MTUS2: variants seen among roughly 807,000 people sequenced by gnomAD.
MTUS2 encodes the protein microtubule associated scaffold protein 2.
In MTUS2, 40 loss-of-function variants were observed where a neutral mutation model predicts 114.1. The ratio of observed to expected loss-of-function variants is 0.35; its 90% CI spans 0.27 to 0.46. The LOEUF is 0.46. Ranked by LOEUF, MTUS2 falls within the 20% of genes least tolerant of loss-of-function variation. The pLI, the probability that MTUS2 is intolerant of heterozygous loss-of-function variation, is 1.00. For missense variants in MTUS2, 1,679 were observed against 1,705.4 expected, an observed-to-expected ratio of 0.98 and a Z score of 0.27; for synonymous variants, 688 against 672.0, an observed-to-expected ratio of 1.02 and a Z score of -0.37.
At chr13:29,091,722 G>T (rs1889960455) in intron 4 of MTUS2, among the ~76,000 whole-genome samples, 1 of 152,110 alleles carries the variant, frequency 6.6e-6, no homozygotes, top group Admixed American at 6.6e-5. Context: ...CATGCCTAGG[G>T]CCAGCTTAAG....
chr13:29,308,233 A>G lies in MTUS2; in HGVS notation c.2807-16380A>G, dbSNP rs565256313. 1.2e-3 allele frequency among the ~76,000 whole-genome samples: 182 copies of G among 152,318 alleles called. 2 individuals carry two copies. Among genetic ancestry groups the G allele is most frequent in the African/African-American group, 4.3e-3 (178 of 41,570 alleles). On this transcript the variant is annotated intron_variant, in intron 6 of 15. Coordinates refer to ENST00000612955, the MANE Select transcript of MTUS2 (RefSeq NM_001033602.4). ...ACATAGACCAATGGAACAGAATCAT[A>G]TACTCAGAAATAAGACCACATGCCT...
At chr13:29,224,964 G>A (rs1896048480) in intron 5 of MTUS2, among the ~76,000 whole-genome samples, 1 of 152,200 alleles carries the variant, frequency 6.6e-6, no homozygotes, top group Non-Finnish European at 1.5e-5. Flanking sequence ...TGGGAGTTGA[G>A]GGGCTGCGGT....
chr13:29,349,025 G>A (rs970764453), intron 7 of MTUS2, among the ~76,000 whole-genome samples: 2 of 152,044 alleles, frequency 1.3e-5, no homozygotes, highest in African/African-American at 4.8e-5. Flanking sequence ...TGCATTTGAT[G>A]TTATTACTGA....
At chr13:29,180,440 A>G (rs1173873738) in intron 5 of MTUS2, among the ~76,000 whole-genome samples, 1 of 152,218 alleles carries the variant, frequency 6.6e-6, no homozygotes, top group Non-Finnish European at 1.5e-5. Flanking sequence ...TTAAAAGCAA[A>G]TTAATAAGTT....
chr13:29,119,303 T>C (rs1405531289), intron 5 of MTUS2, among the ~76,000 whole-genome samples: 1 of 152,162 alleles, frequency 6.6e-6, no homozygotes, highest in East Asian at 1.9e-4. Flanking sequence ...TAAGGTTATA[T>C]TGCTTTCATA....
At chr13:29,185,802 G>A (rs911963792) in intron 5 of MTUS2, among the ~76,000 whole-genome samples, 11 of 152,140 alleles carry the variant, frequency 7.2e-5, no homozygotes, top group Middle Eastern at 3.4e-3. Flanking sequence ...AAATGACAAG[G>A]AATTAATATA....
At chr13:29,410,673 G>C (rs1029138227) in intron 8 of MTUS2, among the ~76,000 whole-genome samples, 2 of 151,990 alleles carry the variant, frequency 1.3e-5, no homozygotes, top group African/African-American at 4.8e-5. Flanking sequence ...TTTTCTCCTA[G>C]TTTGTCAGTT....
intron 2 of MTUS2, among the ~76,000 whole-genome samples, chr13:29,022,762 G>A (rs1421466972): frequency 6.6e-6 from 1 of 152,220 alleles, no homozygotes; most frequent in Admixed American, 6.5e-5. Context: ...AATAGTGGAT[G>A]AAACAATGTC....
intron 4 of MTUS2, among the ~76,000 whole-genome samples, chr13:29,064,326 A>G (rs1266756133): frequency 2.0e-5 from 3 of 151,768 alleles, no homozygotes; most frequent in African/African-American, 7.3e-5. Context: ...CACTGAAAAT[A>G]AAGCCAGATG....
At chr13:29,471,703 G>A (rs1055191185) in intron 9 of MTUS2, among the ~76,000 whole-genome samples, 2 of 150,884 alleles carry the variant, frequency 1.3e-5, no homozygotes, top group Admixed American at 6.6e-5. Flanking sequence ...CAAGAGGAGA[G>A]GCTTCAGCTT....
chr13:29,032,369 TA>T (rs1157910870), intron 3 of MTUS2, among the ~76,000 whole-genome samples: 2 of 152,160 alleles, frequency 1.3e-5, no homozygotes, highest in African/African-American at 2.4e-5. Flanking sequence ...ATTGCAATCC[TA>T]AAACCTGACA....
intron 8 of MTUS2, among the ~76,000 whole-genome samples, chr13:29,425,740 C>T (rs1876471224): frequency 6.6e-6 from 1 of 152,196 alleles, no homozygotes; most frequent in Non-Finnish European, 1.5e-5. Context: ...GGGTCATGTG[C>T]ACTGAGATCA....
intron 7 of MTUS2, among the ~76,000 whole-genome samples, chr13:29,355,201 T>G (rs1869637114): frequency 1.3e-5 from 2 of 152,322 alleles, no homozygotes; most frequent in South Asian, 4.2e-4. Flanking sequence ...CCGTGTCCTC[T>G]CCAGTGCTCA....
At chr13:29,472,548 A>G (rs1880399154) in intron 9 of MTUS2, among the ~76,000 whole-genome samples, 1 of 152,180 alleles carries the variant, frequency 6.6e-6, no homozygotes, top group African/African-American at 2.4e-5. Flanking sequence ...TTCAGGCAGC[A>G]TAGCTCCGCC....
intron 5 of MTUS2, among the ~76,000 whole-genome samples, chr13:29,179,812 A>G (rs1038268077): frequency 2.0e-5 from 3 of 152,238 alleles, no homozygotes; most frequent in Non-Finnish European, 4.4e-5. Flanking sequence ...CACTTGGTCT[A>G]TAAAAACAGC....
rs1299396598 is a variant in MTUS2, at chr13:29,026,748, G to A, written c.2050G>A (p.Ala684Thr). 1.2e-6 allele frequency: 2 copies of A among 1,613,846 alleles called. No homozygotes were observed. The highest frequency in any genetic ancestry group is 1.7e-6 in the Non-Finnish European group (2 of 1,179,896). ...CATGCCTCTTCCCCACGAAGAGAAG[G>A]CAGCAGGTGGTGACCTGAAGCCATC... is the stretch of plus-strand genomic sequence containing the variant. ...CTMPLPHEEK[A>T]AGGDLKPSAN... Residue 684 changes from alanine to threonine, a missense_variant, in exon 3 of 16, where the codon GCA becomes ACA. Coordinates refer to ENST00000612955, the MANE Select transcript of MTUS2 (RefSeq NM_001033602.4).
intron 2 of MTUS2, among the ~76,000 whole-genome samples, chr13:28,871,972 A>G (rs1242113643): frequency 6.6e-6 from 1 of 152,194 alleles, no homozygotes; most frequent in African/African-American, 2.4e-5. Context: ...GGGAGGCAGG[A>G]GGCAGATCAC....
At chr13:29,107,384 CT>C (rs935169414) in intron 5 of MTUS2, among the ~76,000 whole-genome samples, 3 of 152,036 alleles carry the variant, frequency 2.0e-5, no homozygotes, top group Admixed American at 2.0e-4. Context: ...AACTTTTTCT[CT>C]TATGTAAGGG....
intron 10 of MTUS2, chr13:29,484,290 A>G (rs1278338071): frequency 1.3e-5 from 2 of 152,296 alleles, no homozygotes; most frequent in Non-Finnish European, 2.9e-5. Context: ...CCTCATCTGC[A>G]TTATGCCTCC....
Sources: gnomAD v4.1 joint callset for allele counts (sites outside exome capture counted in the v4.1 genomes callset) on GRCh38, gnomAD v4.1.1 for gene constraint, MANE v1.5 for transcripts, NCBI Gene and HGNC (gene_info 2026-07-23, HGNC 2026-07-21) for gene names.